The following ORC1 variants were observed in gnomAD, a reference collection of about 807,000 sequenced individuals.
ORC1 encodes the protein origin recognition complex subunit 1, also known as origin recognition complex, subunit 1 homolog.
ORC1 carries 61 observed loss-of-function variants against 98.9 expected under a neutral mutation model. The ratio of observed to expected loss-of-function variants is 0.62; its 90% confidence interval spans 0.50 to 0.76. ORC1 has a LOEUF of 0.76. Ranked by LOEUF, ORC1 falls within the 30% of genes least tolerant of loss-of-function variation. The probability of loss-of-function intolerance (pLI) is 0.00; values close to 1 mark genes in which losing one functional copy is unlikely to be tolerated. For missense variants in ORC1, 979 were observed against 1,072.2 expected (o/e 0.91, Z 1.21); for synonymous variants, 385 against 406.9 (o/e 0.95, Z 0.65).
chr1:52,396,910 T>C (rs1167311874), intron 4 of ORC1, among the ~76,000 whole-genome samples: 1 of 152,182 alleles, frequency 6.6e-6, no homozygotes, highest in Admixed American at 6.6e-5. Context: ...TCATTTTACC[T>C]ACAGAGTGCG....
chr1:52,404,800 T>C, upstream of ORC1: 1 of 1,614,156 alleles, frequency 6.2e-7, no homozygotes. Context: ...GCACCAACCC[T>C]CAATATCTGG....
Position 52,373,281 on chromosome 1 carries a change from C to T in ORC1, c.2486G>A (p.Cys829Tyr). 1 of 1,614,194 alleles carries T rather than the reference C, an allele frequency of 6.2e-7. No individual in the cohort carries two copies. The highest frequency in any genetic ancestry group is 8.5e-7 in the Non-Finnish European group (1 of 1,180,018). Residue 829 changes from cysteine (C) to tyrosine (Y), a missense_variant, in exon 17 of 17, where the codon TGT (cysteine) becomes TAT (tyrosine). Coordinates refer to ENST00000371568, the MANE Select transcript of ORC1 (RefSeq NM_004153.4). ...TMAVCSHLGS[C>Y]RLLLVEPSRN... ...GCTGGGCTCCACAAGCAGGAGGCGACAGGAGCCCAGGTGAGAACACACGGC... is the reference window on the plus strand; with the variant it reads ...GCTGGGCTCCACAAGCAGGAGGCGATAGGAGCCCAGGTGAGAACACACGGC...
chr1:52,396,036 C>T lies in ORC1; in HGVS notation c.721+10G>A, dbSNP rs768304174. ...CAGTATTGCCCACGGTGATCCATTC[C>T]ACAACTTACTGCCAAGCTCCAGCCT... is the stretch of plus-strand genomic sequence containing the variant. On this transcript the variant is annotated intron_variant, in intron 5 of 16. Coordinates refer to ENST00000371568, the MANE Select transcript of ORC1 (RefSeq NM_004153.4). 25 of 1,614,116 alleles carry T rather than the reference C, an allele frequency of 1.5e-5. No homozygotes were observed. The highest frequency in any genetic ancestry group is 2.1e-5 in the Non-Finnish European group (25 of 1,180,022).
chr1:52,385,582 C>A (rs553906384), intron 9 of ORC1, among the ~76,000 whole-genome samples: 2 of 152,308 alleles, frequency 1.3e-5, no homozygotes, highest in South Asian at 4.1e-4. Context: ...GAGGCACTGT[C>A]CTGACTAATC....
intron 3 of ORC1, among the ~76,000 whole-genome samples, chr1:52,401,161 G>A (rs1018281041): frequency 2.0e-5 from 3 of 151,216 alleles, no homozygotes; most frequent in Admixed American, 6.6e-5. Context: ...AAATTATTGA[G>A]CCTTCCAGTT....
At chr1:52,408,963 G>T, upstream of ORC1, 1 of 264,960 alleles carries the variant, frequency 3.8e-6, no homozygotes. Context: ...CTTTACATGT[G>T]CTCCATCCCA....
At chr1:52,386,486 C>T (rs1647144784) in intron 8 of ORC1, among the ~76,000 whole-genome samples, 2 of 152,194 alleles carry the variant, frequency 1.3e-5, no homozygotes, top group Admixed American at 1.3e-4. Context: ...AGCCCTCTAT[C>T]TTCTTCCTTG....
intron 14 of ORC1, among the ~76,000 whole-genome samples, chr1:52,377,834 A>C (rs1557569425): frequency 1.3e-5 from 2 of 152,280 alleles, no homozygotes; most frequent in Non-Finnish European, 2.9e-5. Context: ...AAGACAAAAA[A>C]ATAAGAAAAC....
rs758564958 is a variant in ORC1, at chr1:52,383,818, T to C, written c.1863+12A>G. 1.2e-5 allele frequency: 19 copies of C among 1,606,170 alleles called. No individual in the cohort carries two copies. Among genetic ancestry groups the C allele is most frequent in the Non-Finnish European group, 1.4e-5 (16 of 1,173,064 alleles). On this transcript the variant is annotated intron_variant, in intron 12 of 16. Transcript: ENST00000371568. Reference sequence around the variant, plus strand: ...CCCTGTTTCTTCTCCTGTCCGCCCATGGGCACCTCACCTCATCCACAAGCA... The same window carrying C: ...CCCTGTTTCTTCTCCTGTCCGCCCACGGGCACCTCACCTCATCCACAAGCA...
At chr1:52,375,078 C>T (rs961387368) in intron 15 of ORC1, among the ~76,000 whole-genome samples, 181 bp from the exon 16 acceptor site, 5 of 152,118 alleles carry the variant, frequency 3.3e-5, no homozygotes, top group African/African-American at 4.8e-5. Flanking sequence ...GAAAATGTCA[C>T]TGTGGAAGTG....
chr1:52,389,473 C>CA (rs532665309), intron 6 of ORC1, 152 bp from the exon 7 acceptor site: 121 of 667,162 alleles, frequency 1.8e-4, no homozygotes, highest in Non-Finnish European at 2.6e-4. Context: ...AAAAAGTTGG[C>CA]AAAAAATTAT....
Position 52,398,497 on chromosome 1 carries a change from CA to C in ORC1, c.224-635del, listed in dbSNP as rs2147943809. 2.0e-5 allele frequency among the ~76,000 whole-genome samples: 3 copies of C among 152,242 alleles called. No individual in the cohort carries two copies. The East Asian group carries it at 5.8e-4, about 29-fold the overall frequency. On this transcript the variant is annotated intron_variant, in intron 3 of 16. Coordinates refer to ENST00000371568, the MANE Select transcript of ORC1 (RefSeq NM_004153.4). The stretch of plus-strand genomic sequence containing the variant: ...CAGGCTGGTCTCAAACTCTTGACCT[CA>C]AGTGATCCGCCCGCCTTGGCCTCTC...
chr1:52,384,234 A>G (rs955112417), intron 11 of ORC1, among the ~76,000 whole-genome samples: 2 of 152,228 alleles, frequency 1.3e-5, no homozygotes, highest in Non-Finnish European at 2.9e-5. Context: ...ATAACAGCCC[A>G]TGGACAAAGA....
chr1:52,385,737 GACACAC>G, intron 9 of ORC1, 109 bp downstream of exon 9: 1 of 758,206 alleles, frequency 1.3e-6, no homozygotes, highest in Non-Finnish European at 2.4e-6. Flanking sequence ...TAAAAGTATA[GACACAC>G]AGTGTATCTA....
intron 6 of ORC1, among the ~76,000 whole-genome samples, chr1:52,391,710 C>T (rs986925414): frequency 5.9e-5 from 9 of 152,000 alleles, no homozygotes; most frequent in Non-Finnish European, 1.2e-4. Flanking sequence ...ACTAGCCTAG[C>T]CAACATGGTG....
At chr1:52,382,371 T>A (rs1647083082) in intron 13 of ORC1, among the ~76,000 whole-genome samples, 1 of 152,136 alleles carries the variant, frequency 6.6e-6, no homozygotes, top group African/African-American at 2.4e-5. Flanking sequence ...GCTGAGGTGC[T>A]TTAATTGAAG....
At position 52,375,549 on chromosome 1, in the gene ORC1, A is replaced by G; in HGVS notation, c.2184T>C (p.Arg728=). The G allele has an allele frequency of 6.2e-7, 1 of 1,614,124 alleles. No homozygotes were observed. Among genetic ancestry groups the G allele is most frequent in the Non-Finnish European group, 8.5e-7 (1 of 1,180,004 alleles). Residue 728 remains arginine, a synonymous_variant, in exon 15 of 17, where the codon CGT becomes CGC. Coordinates refer to ENST00000371568, the MANE Select transcript of ORC1 (RefSeq NM_004153.4). ...DARRCLDICR[R]ATEICEFSQQ... is the part of the protein sequence containing the mutation. Reference sequence around the variant, plus strand: ...GGGAGAACTCACAGATCTCTGTGGCACGCCTGCAGATGTCCAGGCACCGTC... The same window carrying G: ...GGGAGAACTCACAGATCTCTGTGGCGCGCCTGCAGATGTCCAGGCACCGTC...
chr1:52,383,342 C>A, intron 13 of ORC1, 78 bp downstream of exon 13: 1 of 1,574,980 alleles, frequency 6.3e-7, no homozygotes, highest in Admixed American at 1.7e-5. Context: ...AGCCACCACA[C>A]CTGGACCATT....
chr1:52,390,782 C>T (rs1421822074), intron 6 of ORC1, among the ~76,000 whole-genome samples: 1 of 151,726 alleles, frequency 6.6e-6, no homozygotes, highest in Non-Finnish European at 1.5e-5. Context: ...ATCTCAGCTA[C>T]TCGGGAGGCT....
Sources: allele counts gnomAD v4.1 joint callset (sites outside exome capture counted in the v4.1 genomes callset), GRCh38; gene constraint gnomAD v4.1.1; transcripts MANE v1.5; gene names NCBI Gene and HGNC (gene_info 2026-07-23, HGNC 2026-07-21).